Variants in PCSK5 observed in about 807,000 individuals in gnomAD.
PCSK5 encodes the protein proprotein convertase subtilisin/kexin type 5.
Under a neutral mutation model 233.2 loss-of-function variants are expected in PCSK5, and 129 were observed. That is an observed-to-expected ratio of 0.55 (90% CI 0.48 to 0.64). The LOEUF is 0.64. Among genes scored for constraint, PCSK5 ranks in the 30% least tolerant of loss-of-function variants. PCSK5 has a pLI of 0.00. For missense variants in PCSK5, 2,076 were observed against 2,430.1 expected (o/e 0.85, Z 3.06); for synonymous variants, 825 against 879.2 (o/e 0.94, Z 1.09).
chr9:76,258,915 G>A (rs904579016), intron 24 of PCSK5, among the ~76,000 whole-genome samples: 1 of 152,186 alleles, frequency 6.6e-6, no homozygotes, highest in Non-Finnish European at 1.5e-5. Flanking sequence ...GCTAATGACA[G>A]TTACCCAAAG....
At chr9:75,968,120 G>A (rs1276184337) in intron 2 of PCSK5, among the ~76,000 whole-genome samples, 2 of 152,202 alleles carry the variant, frequency 1.3e-5, no homozygotes, top group African/African-American at 4.8e-5. Flanking sequence ...CACTGATCCA[G>A]GGAGTCAGAG....
In PCSK5 at chr9:76,020,158, T is replaced by C. The variant is rs548902379; in HGVS notation, c.412-3580T>C. Among the ~76,000 whole-genome samples the C allele has an allele frequency of 1.3e-4, 20 of 152,340 alleles. No homozygotes were observed. The East Asian group carries it at 3.7e-3, about 28-fold the overall frequency. ...CCTTCTCACCATGGTTGATGATGTATGAGGGAATCATGGCTAATATGTGTT... is the reference window on the plus strand; with the variant it reads ...CCTTCTCACCATGGTTGATGATGTACGAGGGAATCATGGCTAATATGTGTT... On this transcript the variant is annotated intron_variant, in intron 3 of 37. Transcript: ENST00000674117.
At chr9:76,313,629 T>C (rs967794616) in intron 30 of PCSK5, among the ~76,000 whole-genome samples, 1 of 152,212 alleles carries the variant, frequency 6.6e-6, no homozygotes, top group African/African-American at 2.4e-5. Context: ...GCCCAGGAGT[T>C]CAAGGTCAGC....
At chr9:76,095,523 A>C (rs1028770693) in intron 7 of PCSK5, among the ~76,000 whole-genome samples, 3 of 152,194 alleles carry the variant, frequency 2.0e-5, no homozygotes, top group Non-Finnish European at 4.4e-5. Flanking sequence ...TTTAAAAAAA[A>C]ATTTAATTGA....
At chr9:76,307,258 G>A (rs943631528) in intron 28 of PCSK5, among the ~76,000 whole-genome samples, 7 of 152,146 alleles carry the variant, frequency 4.6e-5, no homozygotes, top group African/African-American at 7.2e-5. Context: ...ATCTATACCC[G>A]GCTGACTCTT....
chr9:75,988,406 CA>C (rs1292238682), intron 3 of PCSK5, among the ~76,000 whole-genome samples: 1 of 151,774 alleles, frequency 6.6e-6, no homozygotes, highest in African/African-American at 2.4e-5. Context: ...CTCTGCCTCC[CA>C]AATAGCTGGG....
intron 9 of PCSK5, among the ~76,000 whole-genome samples, chr9:76,120,318 T>TAA (rs1832584592): frequency 6.6e-6 from 1 of 152,120 alleles, no homozygotes; most frequent in African/African-American, 2.4e-5. Context: ...AACATTTTCT[T>TAA]AAGCATTCTT....
At chr9:76,216,625 A>G (rs1825543057) in intron 20 of PCSK5, among the ~76,000 whole-genome samples, 1 of 152,100 alleles carries the variant, frequency 6.6e-6, no homozygotes, top group Non-Finnish European at 1.5e-5. Flanking sequence ...TTAGGAAGTG[A>G]ATTGTTCTAG....
chr9:76,180,826 G>C (rs1426750851), intron 15 of PCSK5, among the ~76,000 whole-genome samples: 2 of 151,818 alleles, frequency 1.3e-5, no homozygotes, highest in Non-Finnish European at 2.9e-5. Context: ...ATATTTAATT[G>C]GTGCTCAGTA....
At chr9:75,991,847 A>G (rs553973729) in intron 3 of PCSK5, among the ~76,000 whole-genome samples, 23 of 152,296 alleles carry the variant, frequency 1.5e-4, no homozygotes, top group Non-Finnish European at 2.9e-4. Context: ...TTAGGGAGTT[A>G]AATATTTTAA....
intron 7 of PCSK5, among the ~76,000 whole-genome samples, chr9:76,080,493 A>G (rs973403131): frequency 6.6e-6 from 1 of 152,248 alleles, no homozygotes; most frequent in Non-Finnish European, 1.5e-5. Flanking sequence ...GAATGAATTT[A>G]TAAATGACTT....
chr9:76,183,944 A>G (rs1032829766), intron 16 of PCSK5, among the ~76,000 whole-genome samples: 1 of 152,186 alleles, frequency 6.6e-6, no homozygotes, highest in African/African-American at 2.4e-5. Context: ...CCACAGAACA[A>G]CCATAAATTT....
intron 8 of PCSK5, among the ~76,000 whole-genome samples, chr9:76,106,281 T>A (rs1831975681): frequency 6.6e-6 from 1 of 152,220 alleles, no homozygotes; most frequent in South Asian, 2.1e-4. Flanking sequence ...CCAGAGGTGA[T>A]ACTGTCCCAA....
chr9:76,357,693 A>G (rs1322539664), intron 37 of PCSK5, among the ~76,000 whole-genome samples: 1 of 152,136 alleles, frequency 6.6e-6, no homozygotes, highest in African/African-American at 2.4e-5. Flanking sequence ...TGGAGCTAGG[A>G]TTCCTGGATT....
intron 5 of PCSK5, among the ~76,000 whole-genome samples, chr9:76,062,588 T>A (rs769425368): frequency 6.6e-6 from 1 of 152,202 alleles, no homozygotes; most frequent in Non-Finnish European, 1.5e-5. Context: ...CATATGTCAT[T>A]CAGCTTGGCT....
intron 5 of PCSK5, among the ~76,000 whole-genome samples, chr9:76,060,937 C>A (rs963246432): frequency 6.6e-6 from 1 of 152,036 alleles, no homozygotes; most frequent in East Asian, 1.9e-4. Context: ...TCAAAAAAGA[C>A]CAAGTTATAT....
chr9:76,173,253 G>A (rs1823404137), intron 13 of PCSK5, among the ~76,000 whole-genome samples: 1 of 152,092 alleles, frequency 6.6e-6, no homozygotes, highest in African/African-American at 2.4e-5. Context: ...CGATTTGTTG[G>A]TGATGGTAGG....
intron 3 of PCSK5, among the ~76,000 whole-genome samples, chr9:76,001,310 A>G (rs551371364): frequency 6.6e-6 from 1 of 152,112 alleles, no homozygotes; most frequent in Admixed American, 6.6e-5. Flanking sequence ...TGGTCAAGTT[A>G]TTTGTTCAAA....
intron 29 of PCSK5, among the ~76,000 whole-genome samples, chr9:76,310,076 C>T (rs879422650): frequency 4.6e-5 from 7 of 151,906 alleles, no homozygotes; most frequent in Non-Finnish European, 1.0e-4. Context: ...GGTGAAACCC[C>T]GTGTCTACTA....
Sources: gnomAD v4.1 joint callset for allele counts (sites outside exome capture counted in the v4.1 genomes callset) on GRCh38, gnomAD v4.1.1 for gene constraint, MANE v1.5 for transcripts, NCBI Gene and HGNC (gene_info 2026-07-23, HGNC 2026-07-21) for gene names.